Variants in MOB4 observed in about 807,000 individuals in gnomAD.
The protein encoded by MOB4 is MOB family member 4, phocein, also known as MOB-like protein phocein.
In MOB4, 4 loss-of-function variants were observed where a neutral mutation model predicts 32.2. The observed-to-expected ratio is 0.12, with a 90% CI of 0.06 to 0.28. MOB4 has a LOEUF of 0.28. Ranked by LOEUF, MOB4 falls within the 10% of genes least tolerant of loss-of-function variation. MOB4 has a pLI of 1.00. For synonymous variants in MOB4, 88 were observed against 88.1 expected (o/e 1.00, Z 0.01); for missense variants, 158 against 271.2 (o/e 0.58, Z 2.93).
At chr2:197,546,193 C>G (rs1040750691) in intron 5 of MOB4, among the ~76,000 whole-genome samples, 1 of 152,050 alleles carries the variant, frequency 6.6e-6, no homozygotes, top group Admixed American at 6.6e-5. Context: ...TCCTGAGTAG[C>G]TGGGACTACA....
chr2:197,525,480 A>G (rs1039782948), intron 2 of MOB4, among the ~76,000 whole-genome samples: 3 of 152,176 alleles, frequency 2.0e-5, no homozygotes, highest in Non-Finnish European at 4.4e-5. Context: ...TCACACCTGT[A>G]ATCTTAGTAC....
rs2086877785 is a variant in MOB4, at chr2:197,540,453, A to G, written c.354+16A>G. The G allele has an allele frequency of 6.4e-7, 1 of 1,558,996 alleles. No homozygotes were observed. Reference sequence around the variant, plus strand: ...TCCAAAAGAGGTGAGGATTTATGAAATAGAGTAACTAATAAAATTATTATA... The same window carrying G: ...TCCAAAAGAGGTGAGGATTTATGAAGTAGAGTAACTAATAAAATTATTATA... On this transcript the variant is annotated intron_variant, in intron 5 of 7. Coordinates refer to ENST00000323303, the MANE Select transcript of MOB4 (RefSeq NM_015387.5).
chr2:197,525,101 A>T (rs1196211148), intron 2 of MOB4, among the ~76,000 whole-genome samples: 3 of 152,096 alleles, frequency 2.0e-5, no homozygotes, highest in East Asian at 1.9e-4. Flanking sequence ...ATCCCAGCAC[A>T]TTGGGAGGCC....
At chr2:197,536,107 C>T (rs1416656705) in intron 3 of MOB4, among the ~76,000 whole-genome samples, 1 of 151,916 alleles carries the variant, frequency 6.6e-6, no homozygotes, top group African/African-American at 2.4e-5. Flanking sequence ...TTGTGTTGCC[C>T]AGGCTAGTCT....
At position 197,536,595 on chromosome 2, in the gene MOB4, C is replaced by CTTTTTTTTTTTTTTTTTTTTTTTTT. The variant is rs71012981; in HGVS notation, c.224+989_224+990insTTTTTTTTTTTTTTTTTTTTTTTTT. On this transcript the variant is annotated intron_variant, in intron 3 of 7. Coordinates refer to ENST00000323303, the MANE Select transcript of MOB4 (RefSeq NM_015387.5). ...TTTGCATAACTGTGTCATCTTTTGTCTTTTTTTTTTTTTTTTTTTTTTTTG... is the reference window on the plus strand; with the variant it reads ...TTTGCATAACTGTGTCATCTTTTGTCTTTTTTTTTTTTTTTTTTTTTTTTTTTTTTTTTTTTTTTTTTTTTTTTTG... Among the ~76,000 whole-genome samples the CTTTTTTTTTTTTTTTTTTTTTTTTT allele has an allele frequency of 5.4e-5, 3 of 55,382 alleles. 1 individual carries two copies. Among genetic ancestry groups the CTTTTTTTTTTTTTTTTTTTTTTTTT allele is most frequent in the African/African-American group, 2.3e-4 (3 of 13,098 alleles). The allele number at this position is 55,382 out of a possible 152,430, so 36.3% of individuals were successfully genotyped here.
chr2:197,519,625 A>G (rs1367930340), intron 1 of MOB4, among the ~76,000 whole-genome samples: 4 of 152,334 alleles, frequency 2.6e-5, no homozygotes, highest in South Asian at 4.1e-4. Flanking sequence ...AGACCTAACT[A>G]GGTACATAGT....
chr2:197,542,420 A>T (rs906145454), intron 5 of MOB4, among the ~76,000 whole-genome samples: 1 of 152,212 alleles, frequency 6.6e-6, no homozygotes, highest in Non-Finnish European at 1.5e-5. Context: ...ACTGTTTTTG[A>T]ATAACTGCTT....
chr2:197,531,053 A>T (rs13416586), intron 2 of MOB4, among the ~76,000 whole-genome samples: 65,278 of 139,484 alleles, frequency 0.47, 14,505 homozygotes, highest in South Asian at 0.57. Context: ...TTTTATTTTT[A>T]TTTTTTTTTT....
chr2:197,528,980 T>A (rs1022969144), intron 2 of MOB4, among the ~76,000 whole-genome samples: 1 of 151,220 alleles, frequency 6.6e-6, no homozygotes, highest in Non-Finnish European at 1.5e-5. Flanking sequence ...TTTTTTTTTT[T>A]AGACAGAGTC....
chr2:197,516,038 G>C (rs1358460749), upstream of MOB4: 2 of 1,540,692 alleles, frequency 1.3e-6, no homozygotes, highest in Admixed American at 4.0e-5. Context: ...CGCGCAGGCT[G>C]CCGTCCCTAC....
chr2:197,539,039 G>A (rs1174333056), intron 3 of MOB4, among the ~76,000 whole-genome samples: 1 of 151,656 alleles, frequency 6.6e-6, no homozygotes, highest in Non-Finnish European at 1.5e-5. Context: ...CATATATCCT[G>A]TTTTTTTCTT....
At chr2:197,539,461 G>T (rs2086859907) in intron 3 of MOB4, among the ~76,000 whole-genome samples, 1 of 151,988 alleles carries the variant, frequency 6.6e-6, no homozygotes, top group Non-Finnish European at 1.5e-5. Context: ...TGAGATTGCA[G>T]GCACCCGCTA....
In MOB4 at chr2:197,553,635, T is replaced by C. The variant is rs1349887227; in HGVS notation, c.*2989T>C. ...TTTTGTGAATCCTTGTTGAATGTGC[T>C]AAAGGTTTCTTTGTGTAGTTCTTCC... On this transcript the variant is annotated 3_prime_UTR_variant, in exon 8 of 8. Coordinates refer to ENST00000323303, the MANE Select transcript of MOB4 (RefSeq NM_015387.5). 2 of 152,244 alleles carry C rather than the reference T, an allele frequency of 1.3e-5. No homozygotes were observed. The highest frequency in any genetic ancestry group is 6.5e-5 in the Admixed American group (1 of 15,282). 9.4% of individuals were successfully genotyped at this position (152,244 alleles called of 1,614,324 possible). A position where few individuals can be genotyped will look rare whatever the true frequency, so the allele number is the denominator to read the frequency against.
chr2:197,529,327 C>G (rs1451959669), intron 2 of MOB4, among the ~76,000 whole-genome samples: 1 of 151,708 alleles, frequency 6.6e-6, no homozygotes, highest in African/African-American at 2.4e-5. Context: ...ACAACTCTTT[C>G]AGCACATTTT....
intron 2 of MOB4, among the ~76,000 whole-genome samples, chr2:197,529,971 T>G (rs1397340021): frequency 6.6e-6 from 1 of 151,636 alleles, no homozygotes; most frequent in Admixed American, 6.6e-5. Context: ...TATTTTCATT[T>G]TTATTCATTT....
In MOB4 at chr2:197,516,102, G is replaced by A; in HGVS notation, c.16G>A (p.Gly6Arg). 1 of 1,602,008 alleles carries A rather than the reference G, an allele frequency of 6.2e-7. No homozygotes were observed. The highest frequency in any genetic ancestry group is 8.5e-7 in the Non-Finnish European group (1 of 1,175,522). Residue 6 changes from glycine (G) to arginine (R), a missense_variant, in exon 1 of 8, where the codon GGG (glycine) becomes AGG (arginine). Coordinates refer to ENST00000323303, the MANE Select transcript of MOB4 (RefSeq NM_015387.5). MVMAEGTAVLRRNRPG... is the reference protein window; with the variant it reads MVMAERTAVLRRNRPG... The stretch of plus-strand genomic sequence containing the variant: ...CGCTGGCACTATGGTCATGGCGGAG[G>A]GGACGGCAGTGCTGAGGCGGAACAG...
chr2:197,532,738 A>G (rs1048056792), intron 2 of MOB4, among the ~76,000 whole-genome samples: 2 of 151,954 alleles, frequency 1.3e-5, no homozygotes, highest in Non-Finnish European at 2.9e-5. Context: ...CACTATATGA[A>G]GGAGACACAT....
rs566171429 is a variant in MOB4, at chr2:197,541,754, T to C, written c.354+1317T>C. Among the ~76,000 whole-genome samples, 426 of 151,798 alleles carry C rather than the reference T, an allele frequency of 2.8e-3. 3 individuals are homozygous for C. The highest frequency in any genetic ancestry group is 8.5e-3 in the South Asian group (41 of 4,800). On this transcript the variant is annotated intron_variant, in intron 5 of 7. Coordinates refer to ENST00000323303, the MANE Select transcript of MOB4 (RefSeq NM_015387.5). Reference sequence around the variant, plus strand: ...CTAAAACGGTGAAACCCCGTCTCTATTAAAAATACAAAAAATTAGCCGGGC... The same window carrying C: ...CTAAAACGGTGAAACCCCGTCTCTACTAAAAATACAAAAAATTAGCCGGGC...
chr2:197,524,944 G>A (rs2086583655), intron 2 of MOB4, among the ~76,000 whole-genome samples: 1 of 152,102 alleles, frequency 6.6e-6, no homozygotes, highest in Non-Finnish European at 1.5e-5. Flanking sequence ...CTGATTTTTT[G>A]TAGAGATGGG....
Sources: gnomAD v4.1 joint callset for allele counts (sites outside exome capture counted in the v4.1 genomes callset) on GRCh38, gnomAD v4.1.1 for gene constraint, MANE v1.5 for transcripts, NCBI Gene and HGNC (gene_info 2026-07-23, HGNC 2026-07-21) for gene names.